PCDHA6: variants seen among roughly 807,000 people sequenced by gnomAD.
PCDHA6 encodes the protein protocadherin alpha 6, also known as protocadherin alpha-6.
In PCDHA6, 55 loss-of-function variants were observed where a neutral mutation model predicts 60.3. The observed-to-expected ratio is 0.91, with a 90% CI of 0.73 to 1.14. PCDHA6 has a LOEUF of 1.14. PCDHA6 is among the 50% of genes most tolerant of loss of function. The pLI is 0.00. For synonymous variants in PCDHA6, 652 were observed against 557.9 expected (o/e 1.17, Z -2.38); for missense variants, 1,327 against 1,256.5 (o/e 1.06, Z -0.85).
chr5:140,850,323 G>A (rs2150479672), intron 1 of PCDHA6: 4 of 1,597,370 alleles, frequency 2.5e-6, no homozygotes, highest in Non-Finnish European at 3.4e-6. Context: ...GCTTTCATAC[G>A]AGCTGCAGCC....
At chr5:140,876,567 G>A (rs782286416) in intron 1 of PCDHA6, 1 of 1,614,186 alleles carries the variant, frequency 6.2e-7, no homozygotes, top group Non-Finnish European at 8.5e-7. Context: ...ATGCTCAGGT[G>A]GGTACCGTCA....
intron 3 of PCDHA6, among the ~76,000 whole-genome samples, chr5:140,989,753 A>G (rs1349273749): frequency 6.6e-6 from 1 of 152,224 alleles, no homozygotes; most frequent in Admixed American, 6.5e-5. Context: ...ATCTGGAGAA[A>G]CATATTCAGT....
chr5:140,950,526 T>C (rs190195358), intron 1 of PCDHA6, among the ~76,000 whole-genome samples: 17 of 152,212 alleles, frequency 1.1e-4, no homozygotes, highest in Admixed American at 9.2e-4. Flanking sequence ...GATATGATTG[T>C]TTTTGTTGCT....
chr5:140,856,028 G>T, intron 1 of PCDHA6: 1 of 1,560,948 alleles, frequency 6.4e-7, no homozygotes, highest in East Asian at 2.3e-5. Flanking sequence ...TCGTCGATTT[G>T]TAAAACAAGA....
At chr5:140,875,207 C>A in intron 1 of PCDHA6, 3 of 660,292 alleles carry the variant, frequency 4.5e-6, no homozygotes, top group Non-Finnish European at 6.7e-6. Flanking sequence ...AGTGGCTAAA[C>A]CGAAAAGAAC....
chr5:140,979,359 T>C (rs1554240585), intron 2 of PCDHA6, among the ~76,000 whole-genome samples: 1 of 152,206 alleles, frequency 6.6e-6, no homozygotes, highest in Non-Finnish European at 1.5e-5. Context: ...TACTCATGCT[T>C]TGAGACTTGG....
chr5:140,833,812 C>G (rs1772666935), intron 1 of PCDHA6, among the ~76,000 whole-genome samples: 1 of 152,102 alleles, frequency 6.6e-6, no homozygotes, highest in Admixed American at 6.6e-5. Flanking sequence ...TTCTTGAGAT[C>G]CTGGGTCCCT....
intron 3 of PCDHA6, among the ~76,000 whole-genome samples, chr5:140,998,062 C>A (rs2097795439): frequency 6.6e-6 from 1 of 152,176 alleles, no homozygotes; most frequent in Non-Finnish European, 1.5e-5. Flanking sequence ...TCATCATCAA[C>A]AGACTTAGCC....
chr5:140,903,334 G>A (rs1451948444), intron 1 of PCDHA6, among the ~76,000 whole-genome samples: 2 of 152,132 alleles, frequency 1.3e-5, no homozygotes, highest in Non-Finnish European at 2.9e-5. Context: ...TTGAGGAAAG[G>A]ATGCATTTTA....
At chr5:140,857,915 G>C in intron 1 of PCDHA6, 4 of 1,597,912 alleles carry the variant, frequency 2.5e-6, no homozygotes, top group Non-Finnish European at 3.4e-6. Context: ...CCCGTTTCGC[G>C]TGGGGCTGTA....
intron 1 of PCDHA6, chr5:140,864,601 A>C (rs2048532983): frequency 6.6e-6 from 1 of 152,200 alleles, no homozygotes; most frequent in Non-Finnish European, 1.5e-5. Context: ...TCAGATAGCC[A>C]ACAACTTTGT....
Position 141,012,065 on chromosome 5 carries a change from T to G in PCDHA6, c.*2128T>G, listed in dbSNP as rs2098422876. The G allele has an allele frequency of 6.5e-6, 1 of 153,794 alleles. No individual in the cohort carries two copies. Among genetic ancestry groups the G allele is most frequent in the Non-Finnish European group, 1.5e-5 (1 of 68,044 alleles). The allele number at this position is 153,794 out of a possible 1,614,324, so 9.5% of individuals were successfully genotyped here. A position where few individuals can be genotyped will look rare whatever the true frequency, so the allele number is the denominator to read the frequency against. ...GGGTAAAACTTGTTACCAACACATGTGAACCATTGCTACATTGTAGGTTGT... is the reference window on the plus strand; with the variant it reads ...GGGTAAAACTTGTTACCAACACATGGGAACCATTGCTACATTGTAGGTTGT... On this transcript the variant is annotated 3_prime_UTR_variant, in exon 4 of 4. Transcript: ENST00000529310.
intron 1 of PCDHA6, among the ~76,000 whole-genome samples, chr5:140,950,569 T>C (rs969438550): frequency 1.3e-5 from 2 of 152,120 alleles, no homozygotes; most frequent in African/African-American, 2.4e-5. Context: ...TATTTTAAGG[T>C]TTTCTACTTA....
intron 1 of PCDHA6, chr5:140,841,869 A>G (rs1223944877): frequency 6.2e-7 from 1 of 1,613,734 alleles, no homozygotes; most frequent in African/African-American, 1.3e-5. Flanking sequence ...CTAGATGTGA[A>G]TTCAAAGAAC....
chr5:140,852,464 G>A (rs2042343085), intron 1 of PCDHA6: 1 of 189,256 alleles, frequency 5.3e-6, no homozygotes, highest in Non-Finnish European at 1.1e-5. Context: ...TTTTAGTAGA[G>A]ATGGGGTTTC....
intron 1 of PCDHA6, chr5:140,857,871 A>G (rs2044971374): frequency 6.3e-7 from 1 of 1,597,628 alleles, no homozygotes. Flanking sequence ...TGGCTGTCGT[A>G]TGAATTGCAG....
At chr5:140,949,670 T>G (rs1218670800) in intron 1 of PCDHA6, among the ~76,000 whole-genome samples, 2 of 151,862 alleles carry the variant, frequency 1.3e-5, no homozygotes, top group African/African-American at 4.8e-5. Flanking sequence ...CTTTAAAGTA[T>G]GCCCTTGTTG....
rs1770028810 is a variant in PCDHA6 at position 140,828,917 on chromosome 5, G to A, written c.826G>A (p.Ala276Thr). ...ASDRDEGANG[A>T]ISYSFNSLVA... The stretch of plus-strand genomic sequence containing the variant: ...TGATCGGGATGAAGGAGCGAATGGG[G>A]CAATTTCATATTCTTTTAATAGCCT... Residue 276 changes from alanine to threonine, a missense_variant, in exon 1 of 4, where the codon GCA (alanine) becomes ACA (threonine). Physicochemically the swap from Ala to Thr is moderately conservative, Grantham distance 58. Transcript: ENST00000529310. 1 of 1,614,204 alleles carries A rather than the reference G, an allele frequency of 6.2e-7. No homozygotes were observed. Among genetic ancestry groups the A allele is most frequent in the South Asian group, 1.1e-5 (1 of 91,082 alleles).
intron 1 of PCDHA6, chr5:140,842,490 T>G: frequency 6.2e-7 from 1 of 1,613,916 alleles, no homozygotes; most frequent in Non-Finnish European, 8.5e-7. Context: ...TGCTCCCTGA[T>G]GCCCCATGTC....
Sources: allele counts gnomAD v4.1 joint callset (sites outside exome capture counted in the v4.1 genomes callset), GRCh38; gene constraint gnomAD v4.1.1; transcripts MANE v1.5; gene names NCBI Gene and HGNC (gene_info 2026-07-23, HGNC 2026-07-21).